The following EYA1 variants were observed in gnomAD, a reference collection of about 807,000 sequenced individuals.
EYA1 encodes protein phosphatase EYA1.
EYA1 carries 16 observed loss-of-function variants against 82.0 expected under a neutral mutation model. That is an observed-to-expected ratio of 0.20 (90% CI 0.13 to 0.30). The LOEUF is 0.30. Ranked by LOEUF, EYA1 falls within the 10% of genes least tolerant of loss-of-function variation. EYA1 has a pLI of 1.00. For synonymous variants in EYA1, 261 were observed against 264.4 expected (o/e 0.99, Z 0.12); for missense variants, 633 against 730.7 (o/e 0.87, Z 1.54).
At chr8:71,344,418 C>G (rs1825490099) in intron 3 of EYA1, among the ~76,000 whole-genome samples, 1 of 152,148 alleles carries the variant, frequency 6.6e-6, no homozygotes, top group Non-Finnish European at 1.5e-5. Flanking sequence ...TGAGGACCTA[C>G]TATATGCCAT....
chr8:71,359,736 CTTTT>C (rs1471441607), intron 1 of EYA1, among the ~76,000 whole-genome samples: 1 of 151,846 alleles, frequency 6.6e-6, no homozygotes, highest in Non-Finnish European at 1.5e-5. Context: ...TAATTTAAAA[CTTTT>C]TTTTCAAACT....
At chr8:71,309,690 T>C (rs1278280332) in intron 7 of EYA1, among the ~76,000 whole-genome samples, 1 of 152,180 alleles carries the variant, frequency 6.6e-6, no homozygotes, top group Non-Finnish European at 1.5e-5. Flanking sequence ...GGTTCAGGCG[T>C]ACATTTGAAA....
intron 7 of EYA1, among the ~76,000 whole-genome samples, chr8:71,313,487 A>G (rs1821577930): frequency 6.6e-6 from 1 of 152,220 alleles, no homozygotes; most frequent in Non-Finnish European, 1.5e-5. Context: ...TAATGAAAAT[A>G]ATAGTAATCA....
chr8:71,413,393 G>A (rs922362357), intron 2 of EYA1, among the ~76,000 whole-genome samples: 1 of 152,104 alleles, frequency 6.6e-6, no homozygotes, highest in Non-Finnish European at 1.5e-5. Flanking sequence ...TCCTAGTTCT[G>A]CTTCTCATTT....
intron 12 of EYA1, among the ~76,000 whole-genome samples, chr8:71,223,169 C>T (rs1253087877): frequency 6.6e-6 from 1 of 152,120 alleles, no homozygotes; most frequent in Non-Finnish European, 1.5e-5. Flanking sequence ...TATCACACTG[C>T]CACAGCGTGT....
At position 71,249,461 on chromosome 8, in the gene EYA1, C is replaced by T. The variant is rs142222553; in HGVS notation, c.1051-4769G>A. 1.2e-4 allele frequency among the ~76,000 whole-genome samples: 19 copies of T among 152,108 alleles called. No homozygotes were observed. In the East Asian group the frequency reaches 3.7e-3, roughly 30 times the overall value. Reference sequence around the variant, plus strand: ...AGTGCAGAGCAAATGCAGGGAAAAGCCCCTTATAACACCATCAGATCTCAT... The same window carrying T: ...AGTGCAGAGCAAATGCAGGGAAAAGTCCCTTATAACACCATCAGATCTCAT... On this transcript the variant is annotated intron_variant, in intron 11 of 17. Transcript: ENST00000340726.
chr8:71,507,752 A>C (rs2129245868), intron 2 of EYA1, among the ~76,000 whole-genome samples: 1 of 152,328 alleles, frequency 6.6e-6, no homozygotes, highest in East Asian at 1.9e-4. Flanking sequence ...CAAGATGCAA[A>C]CCAGTGGGTA....
At chr8:71,205,717 C>G (rs183957299) in intron 17 of EYA1, among the ~76,000 whole-genome samples, 1 of 152,184 alleles carries the variant, frequency 6.6e-6, no homozygotes, top group East Asian at 1.9e-4. Flanking sequence ...TGACCATTAA[C>G]GAAAGAGGCA....
At chr8:71,397,223 G>A (rs545920078) in intron 2 of EYA1, among the ~76,000 whole-genome samples, 2 of 152,218 alleles carry the variant, frequency 1.3e-5, no homozygotes, top group South Asian at 4.1e-4. Flanking sequence ...GCACACTGAT[G>A]GGTCTTCACT....
chr8:71,287,790 G>C (rs1202082525), intron 9 of EYA1, among the ~76,000 whole-genome samples: 3 of 152,232 alleles, frequency 2.0e-5, no homozygotes, highest in African/African-American at 7.2e-5. Context: ...CAAGCACAGT[G>C]CCTGGCATGC....
intron 12 of EYA1, among the ~76,000 whole-genome samples, chr8:71,221,758 A>G (rs1466195804): frequency 6.6e-6 from 1 of 152,148 alleles, no homozygotes; most frequent in African/African-American, 2.4e-5. Context: ...CACCTGTTGC[A>G]CTAAATGTTA....
chr8:71,291,076 A>C (rs1818944461), intron 9 of EYA1, among the ~76,000 whole-genome samples: 1 of 152,202 alleles, frequency 6.6e-6, no homozygotes. Context: ...CAAAACGTTC[A>C]CTTAGTAAAA....
chr8:71,527,419 C>T (rs1411812294), intron 2 of EYA1, among the ~76,000 whole-genome samples: 1 of 152,188 alleles, frequency 6.6e-6, no homozygotes, highest in South Asian at 2.1e-4. Context: ...CTCCCAAATT[C>T]TTCATTTTAC....
At chr8:71,484,400 G>A (rs1810404076) in intron 2 of EYA1, among the ~76,000 whole-genome samples, 1 of 152,174 alleles carries the variant, frequency 6.6e-6, no homozygotes, top group Non-Finnish European at 1.5e-5. Flanking sequence ...GCAGGCAAAG[G>A]TTAGGTATTT....
intron 2 of EYA1, among the ~76,000 whole-genome samples, chr8:71,521,389 A>T (rs563947375): frequency 1.3e-5 from 2 of 152,144 alleles, no homozygotes; most frequent in Non-Finnish European, 2.9e-5. Context: ...TTGTTTTGAA[A>T]AATGTGGAAC....
In EYA1 at chr8:71,458,285, G is replaced by C. The variant is rs192790043; in HGVS notation, c.33+77459C>G. ...GTAAGACATGGATTGGGGAATTTTT[G>C]TTTTAAAGTTTCTAAGAATACCAGG... On this transcript the variant is annotated intron_variant, in intron 2 of 18. Transcript: ENST00000643681. Among the ~76,000 whole-genome samples, 1,341 of 152,094 alleles carry C rather than the reference G, an allele frequency of 8.8e-3. 9 individuals carry two copies. The highest frequency in any genetic ancestry group is 0.013 in the Non-Finnish European group (865 of 67,932).
At chr8:71,433,502 C>T (rs1424751164) in intron 2 of EYA1, among the ~76,000 whole-genome samples, 3 of 152,112 alleles carry the variant, frequency 2.0e-5, no homozygotes, top group Admixed American at 1.3e-4. Context: ...CATAGTTTCC[C>T]GGGAGAGCTT....
At chr8:71,327,139 C>T (rs762639391) in intron 4 of EYA1, among the ~76,000 whole-genome samples, 7 of 152,134 alleles carry the variant, frequency 4.6e-5, no homozygotes, top group East Asian at 1.9e-4. Flanking sequence ...ATGTATTATC[C>T]GTCTCTCCCA....
chr8:71,280,680 G>T (rs777585030), intron 9 of EYA1, among the ~76,000 whole-genome samples: 3 of 152,184 alleles, frequency 2.0e-5, no homozygotes, highest in African/African-American at 4.8e-5. Flanking sequence ...ATGTATACAT[G>T]TGCACACATT....
Sources: allele counts gnomAD v4.1 joint callset (sites outside exome capture counted in the v4.1 genomes callset), GRCh38; gene constraint gnomAD v4.1.1; transcripts MANE v1.5; gene names NCBI Gene and HGNC (gene_info 2026-07-23, HGNC 2026-07-21).